Variants in EPHA6 observed in about 807,000 individuals in gnomAD.
EPHA6 encodes ephrin type-A receptor 6.
In EPHA6, 50 loss-of-function variants were observed where a neutral mutation model predicts 112.0. That is an observed-to-expected ratio of 0.45 (90% CI 0.36 to 0.56). The LOEUF (loss-of-function observed/expected upper bound fraction) is 0.56, where lower values mean the gene tolerates loss of function less well. Among genes scored for constraint, EPHA6 ranks in the 20% least tolerant of loss-of-function variants. The pLI, the probability that EPHA6 is intolerant of heterozygous loss-of-function variation, is 0.00. For synonymous variants in EPHA6, 529 were observed against 490.7 expected (o/e 1.08, Z -1.03); for missense variants, 1,280 against 1,417.4 (o/e 0.90, Z 1.56).
chr3:97,735,554 A>G (rs751958520), intron 15 of EPHA6, among the ~76,000 whole-genome samples: 31 of 152,184 alleles, frequency 2.0e-4, no homozygotes, highest in Non-Finnish European at 3.7e-4. Context: ...TACTTAAGAC[A>G]TTTGTTATAT....
chr3:96,927,231 G>A (rs1461032481), intron 2 of EPHA6, among the ~76,000 whole-genome samples: 2 of 152,152 alleles, frequency 1.3e-5, no homozygotes, highest in African/African-American at 2.4e-5. Flanking sequence ...AGGGCTCCAA[G>A]TCCCATAGCT....
At chr3:97,493,329 G>A (rs563887342) in intron 10 of EPHA6, among the ~76,000 whole-genome samples, 2 of 152,052 alleles carry the variant, frequency 1.3e-5, no homozygotes, top group South Asian at 2.1e-4. Context: ...GGCTTAAAAG[G>A]CACAAATTTA....
chr3:97,440,937 G>A (rs1427368827), intron 6 of EPHA6, among the ~76,000 whole-genome samples: 1 of 151,664 alleles, frequency 6.6e-6, no homozygotes, highest in Non-Finnish European at 1.5e-5. Flanking sequence ...ATAATTTTAC[G>A]GTAATTATCA....
chr3:97,595,320 G>A (rs1243140947), intron 12 of EPHA6, among the ~76,000 whole-genome samples: 1 of 152,184 alleles, frequency 6.6e-6, no homozygotes, highest in Admixed American at 6.5e-5. Flanking sequence ...TTAACAGAAT[G>A]CATTTGTGTA....
At chr3:97,258,521 T>G (rs1467883182) in intron 5 of EPHA6, among the ~76,000 whole-genome samples, 1 of 152,118 alleles carries the variant, frequency 6.6e-6, no homozygotes, top group Non-Finnish European at 1.5e-5. Flanking sequence ...TATTGTTTAT[T>G]TGCTTTTATG....
At position 97,690,115 on chromosome 3, in the gene EPHA6, A is replaced by G. The variant is rs1041891413; in HGVS notation, c.2785-30146A>G. 3.9e-5 allele frequency among the ~76,000 whole-genome samples: 6 copies of G among 152,114 alleles called. No individual in the cohort carries two copies. The East Asian group carries it at 1.2e-3, about 29-fold the overall frequency. On this transcript the variant is annotated intron_variant, in intron 14 of 17. Coordinates refer to ENST00000389672, the MANE Select transcript of EPHA6 (RefSeq NM_001080448.3). ...TCTTCATTTGCAAATTTTTGTGTGG[A>G]CACATGTTTTTATTTATCTTGGGTA...
chr3:96,966,834 T>A (rs1163688011), intron 2 of EPHA6, among the ~76,000 whole-genome samples: 1 of 152,086 alleles, frequency 6.6e-6, no homozygotes, highest in African/African-American at 2.4e-5. Flanking sequence ...TCTATTAACT[T>A]ATAAACTATT....
chr3:97,461,560 G>T (rs1332416259), intron 7 of EPHA6, among the ~76,000 whole-genome samples: 1 of 152,084 alleles, frequency 6.6e-6, no homozygotes, highest in Non-Finnish European at 1.5e-5. Flanking sequence ...TACTAGCTTT[G>T]AATCTTAAAT....
At chr3:97,602,519 A>T (rs941246546) in intron 12 of EPHA6, among the ~76,000 whole-genome samples, 2 of 152,062 alleles carry the variant, frequency 1.3e-5, no homozygotes, top group African/African-American at 4.8e-5. Context: ...CCAAGCATTC[A>T]GACTCTGGAA....
chr3:96,815,177 C>T (rs766617578), intron 1 of EPHA6, among the ~76,000 whole-genome samples, 169 bp downstream of exon 1: 2 of 152,120 alleles, frequency 1.3e-5, no homozygotes, highest in Non-Finnish European at 2.9e-5. Context: ...GTTTACACCG[C>T]CCGGGACGGT....
intron 5 of EPHA6, among the ~76,000 whole-genome samples, chr3:97,254,238 G>T (rs559947380): frequency 4.6e-5 from 7 of 152,150 alleles, no homozygotes; most frequent in African/African-American, 1.4e-4. Flanking sequence ...GCCCAGGCTG[G>T]AGTGCAGTGG....
intron 5 of EPHA6, among the ~76,000 whole-genome samples, chr3:97,383,379 T>C (rs2085864547): frequency 6.6e-6 from 1 of 152,078 alleles, no homozygotes; most frequent in South Asian, 2.1e-4. Context: ...AACAAGTATT[T>C]ATAGAATTAA....
chr3:97,110,468 T>C (rs1002693148), intron 3 of EPHA6, among the ~76,000 whole-genome samples: 1 of 152,116 alleles, frequency 6.6e-6, no homozygotes, highest in African/African-American at 2.4e-5. Flanking sequence ...GTTATTGTTT[T>C]AATTTAGGAA....
intron 13 of EPHA6, among the ~76,000 whole-genome samples, chr3:97,628,830 G>A (rs1197148430): frequency 6.6e-6 from 1 of 151,934 alleles, no homozygotes. Context: ...TGTGCATGTG[G>A]TTATATTTGT....
At chr3:97,263,300 T>G (rs183324040) in intron 5 of EPHA6, among the ~76,000 whole-genome samples, 32 of 152,228 alleles carry the variant, frequency 2.1e-4, no homozygotes, top group Admixed American at 1.8e-3. Context: ...TGATATATTC[T>G]CAGGGCCTAG....
intron 2 of EPHA6, among the ~76,000 whole-genome samples, chr3:96,954,867 C>A (rs952844321): frequency 7.1e-6 from 1 of 140,552 alleles, no homozygotes; most frequent in Non-Finnish European, 1.5e-5. Context: ...AATCTCGGCT[C>A]ACTGCAAGCT....
At chr3:97,072,885 A>G (rs1019680076) in intron 3 of EPHA6, among the ~76,000 whole-genome samples, 2 of 152,102 alleles carry the variant, frequency 1.3e-5, no homozygotes, top group Non-Finnish European at 2.9e-5. Flanking sequence ...TTGGGATAGT[A>G]CCAGTCAGCA....
intron 11 of EPHA6, among the ~76,000 whole-genome samples, chr3:97,541,913 A>T (rs114010609): frequency 6.6e-6 from 1 of 151,608 alleles, no homozygotes; most frequent in Admixed American, 6.6e-5. Flanking sequence ...AATATTAAGT[A>T]TTAACTCACA....
intron 3 of EPHA6, chr3:97,009,882 C>G (rs890043345): frequency 9.4e-6 from 4 of 427,188 alleles, no homozygotes; most frequent in Non-Finnish European, 4.6e-6. Context: ...CCACACCACT[C>G]TGCTCTTCCT....
Sources: allele counts gnomAD v4.1 joint callset (sites outside exome capture counted in the v4.1 genomes callset), GRCh38; gene constraint gnomAD v4.1.1; transcripts MANE v1.5; gene names NCBI Gene and HGNC (gene_info 2026-07-23, HGNC 2026-07-21).